The following FAM234A variants were observed in gnomAD, a reference collection of about 807,000 sequenced individuals.
FAM234A encodes the protein family with sequence similarity 234 member A.
FAM234A carries 42 observed loss-of-function variants against 49.1 expected under a neutral mutation model. That is an observed-to-expected ratio of 0.86 (90% CI 0.67 to 1.11). FAM234A has a LOEUF of 1.11. Ranked by LOEUF, FAM234A falls within the 50% of genes least tolerant of loss-of-function variation. The pLI is 0.00. For synonymous variants in FAM234A, 369 were observed against 316.2 expected, an observed-to-expected ratio of 1.17 and a Z score of -1.77; for missense variants, 815 against 745.2, an observed-to-expected ratio of 1.09 and a Z score of -1.09.
intron 1 of FAM234A, among the ~76,000 whole-genome samples, chr16:244,237 G>A (rs1244381949): frequency 6.6e-6 from 1 of 152,152 alleles, no homozygotes; most frequent in African/African-American, 2.4e-5. Flanking sequence ...CAAAGTGCTG[G>A]GATTACAGGC....
In FAM234A at chr16:261,531, C is replaced by A. The variant is rs376585702; in HGVS notation, c.708+17C>A. On this transcript the variant is annotated intron_variant, in intron 6 of 12. Coordinates refer to ENST00000399932, the MANE Select transcript of FAM234A (RefSeq NM_032039.4). ...CGGGAGGAGGTACATCCCAGCCTGG[C>A]TCTGCTCCCAAGTCACGAGGCCACC... 49 of 1,576,512 alleles carry A rather than the reference C, an allele frequency of 3.1e-5. No individual in the cohort carries two copies. The highest frequency in any genetic ancestry group is 3.9e-5 in the Non-Finnish European group (45 of 1,163,112).
intron 3 of FAM234A, among the ~76,000 whole-genome samples, chr16:258,197 C>T (rs910486694): frequency 1.3e-5 from 2 of 148,848 alleles, no homozygotes. Flanking sequence ...GGGTGTTTCT[C>T]GCAGAGGGGG....
chr16:238,216 G>T (rs191999590), intron 1 of FAM234A, among the ~76,000 whole-genome samples: 3 of 151,862 alleles, frequency 2.0e-5, no homozygotes, highest in African/African-American at 7.3e-5. Context: ...ACGAGGTTTC[G>T]CCATGTTGGC....
At chr16:242,161 T>G (rs1397090544) in intron 1 of FAM234A, among the ~76,000 whole-genome samples, 1 of 152,202 alleles carries the variant, frequency 6.6e-6, no homozygotes, top group Non-Finnish European at 1.5e-5. Flanking sequence ...GTGGACTCCC[T>G]GGAGGACAGA....
At chr16:263,241 T>G (rs1327982229) in intron 8 of FAM234A, 21 bp from the exon 9 acceptor site, 2 of 1,607,490 alleles carry the variant, frequency 1.2e-6, no homozygotes, top group East Asian at 2.2e-5. Context: ...CGGCGCCCCT[T>G]TCTCCCACTC....
chr16:265,329 T>A lies in FAM234A; in HGVS notation c.*307T>A, dbSNP rs190150717. On this transcript the variant is annotated 3_prime_UTR_variant, in exon 13 of 13. Transcript: ENST00000399932. ...TTCATAGTGGTCTCCCTGGCCACCT[T>A]GGGCAGAGCTGGGTCATGCAGCACC... is the stretch of plus-strand genomic sequence containing the variant. 8.5e-7 allele frequency: 1 copy of A among 1,173,422 alleles called. No individual in the cohort carries two copies. The highest frequency in any genetic ancestry group is 4.6e-5 in the East Asian group (1 of 21,868). The allele number at this position is 1,173,422 out of a possible 1,614,324, so 72.7% of individuals were successfully genotyped here.
At chr16:269,677 T>TCCTCCAGCCACAGAG (rs2051827383), downstream of FAM234A, 2 of 1,007,946 alleles carry the variant, frequency 2.0e-6, no homozygotes, top group Non-Finnish European at 3.0e-6. Flanking sequence ...TGCTGGAGCC[T>TCCTCCAGCCACAGAG]CCTCCAGCCA....
At chr16:237,611 T>TC (rs1376585781) in intron 1 of FAM234A, among the ~76,000 whole-genome samples, 1 of 152,074 alleles carries the variant, frequency 6.6e-6, no homozygotes, top group Non-Finnish European at 1.5e-5. Flanking sequence ...CATGGAACTT[T>TC]CCTTAGGGCC....
At position 254,512 on chromosome 16, in the gene FAM234A, T is replaced by G. The variant is rs1179704340; in HGVS notation, c.99T>G (p.Asp33Glu). Reference sequence around the variant, plus strand: ...TGGGAAATCCATCAAAAAATGAGGATAACGTGAAAAGCGCGCCTCCACAGT... The same window carrying G: ...TGGGAAATCCATCAAAAAATGAGGAGAACGTGAAAAGCGCGCCTCCACAGT... ...ENLGNPSKNE[D>E]NVKSAPPQSR... The change falls in exon 3 of 13, where the codon GAT becomes GAG. Residue 33 changes from aspartate (D) to glutamate (E), a missense_variant. Coordinates refer to ENST00000399932, the MANE Select transcript of FAM234A (RefSeq NM_032039.4). 1 of 1,614,208 alleles carries G rather than the reference T, an allele frequency of 6.2e-7. No individual in the cohort carries two copies. The highest frequency in any genetic ancestry group is 1.1e-5 in the South Asian group (1 of 91,090).
intron 1 of FAM234A, among the ~76,000 whole-genome samples, chr16:248,811 G>T (rs1378462394): frequency 6.6e-6 from 1 of 151,796 alleles, no homozygotes; most frequent in Non-Finnish European, 1.5e-5. Context: ...GGGTAGAGAA[G>T]AAGTGTCCCC....
intron 2 of FAM234A, among the ~76,000 whole-genome samples, chr16:253,301 G>A (rs1040586277): frequency 1.3e-5 from 2 of 152,110 alleles, no homozygotes; most frequent in East Asian, 1.9e-4. Context: ...CCAGCACCGA[G>A]CTCACTCAAC....
At chr16:251,679 G>GCTT (rs2051014136) in intron 2 of FAM234A, among the ~76,000 whole-genome samples, 1 of 91,146 alleles carries the variant, frequency 1.1e-5, no homozygotes, top group Non-Finnish European at 2.0e-5. Flanking sequence ...GCCTAGCCAG[G>GCTT]TTTTTTTTTT....
chr16:257,376 G>T (rs911056389), intron 3 of FAM234A, among the ~76,000 whole-genome samples: 2 of 150,150 alleles, frequency 1.3e-5, no homozygotes, highest in Non-Finnish European at 3.0e-5. Context: ...CTCCCAAGTA[G>T]CTGGGATTAC....
Position 252,405 on chromosome 16 carries a change from T to C in FAM234A, c.-33-1976T>C, listed in dbSNP as rs187379050. Among the ~76,000 whole-genome samples the C allele has an allele frequency of 3.3e-3, 498 of 152,036 alleles. 2 individuals are homozygous for C. Among genetic ancestry groups the C allele is most frequent in the African/African-American group, 0.011 (455 of 41,468 alleles). ...ACCATGTTGTCCAGGATGGTCTCAA[T>C]CTCTTGACCTTGTGATCTGCCTGCC... On this transcript the variant is annotated intron_variant, in intron 2 of 12. Transcript: ENST00000399932.
At chr16:236,654 C>T (rs1260214214) in intron 1 of FAM234A, among the ~76,000 whole-genome samples, 1 of 150,804 alleles carries the variant, frequency 6.6e-6, no homozygotes, top group Admixed American at 6.6e-5. Flanking sequence ...CGCCTGTAAT[C>T]CCAGCACTTT....
chr16:247,820 C>T (rs967064342), intron 1 of FAM234A, among the ~76,000 whole-genome samples: 3 of 152,064 alleles, frequency 2.0e-5, no homozygotes, highest in Non-Finnish European at 4.4e-5. Context: ...ACGGCTGGCT[C>T]GGTTTTAGAA....
chr16:269,391 C>A, downstream of FAM234A: 1 of 1,596,500 alleles, frequency 6.3e-7, no homozygotes, highest in Non-Finnish European at 8.5e-7. Context: ...ACGCTGTGGG[C>A]GAGAAGGCGG....
chr16:267,495 G>A (rs115788312), downstream of FAM234A, among the ~76,000 whole-genome samples: 2 of 123,118 alleles, frequency 1.6e-5, no homozygotes, highest in African/African-American at 7.4e-5. Flanking sequence ...TACATGCAAT[G>A]TGCACCACAC....
chr16:263,533 G>GTA lies in FAM234A; in HGVS notation c.1112+131_1112+132insTA, dbSNP rs2051565728. ...CCGTGTGCTGCTGCCCGGGCTTCTTGCCTGTCTCTGGTACTTGCCCCTTGC... is the reference window on the plus strand; with the variant it reads ...CCGTGTGCTGCTGCCCGGGCTTCTTGTACCTGTCTCTGGTACTTGCCCCTTGC... On this transcript the variant is annotated intron_variant, in intron 9 of 12. Coordinates refer to ENST00000399932, the MANE Select transcript of FAM234A (RefSeq NM_032039.4). 8 of 1,376,300 alleles carry GTA rather than the reference G, an allele frequency of 5.8e-6. No homozygotes were observed. The African/African-American group carries it at 7.2e-5, about 12-fold the overall frequency. 85.3% of individuals were successfully genotyped at this position (1,376,300 alleles called of 1,614,324 possible).
Sources: allele counts gnomAD v4.1 joint callset (sites outside exome capture counted in the v4.1 genomes callset), GRCh38; gene constraint gnomAD v4.1.1; transcripts MANE v1.5; gene names NCBI Gene and HGNC (gene_info 2026-07-23, HGNC 2026-07-21).